TENM2: variants seen among roughly 807,000 people sequenced by gnomAD.
The protein encoded by TENM2 is teneurin transmembrane protein 2, also known as teneurin-2.
In TENM2, 52 loss-of-function variants were observed where a neutral mutation model predicts 245.2. That is an observed-to-expected ratio of 0.21 (90% confidence interval 0.17 to 0.27). The LOEUF (loss-of-function observed/expected upper bound fraction) is 0.27. TENM2 is among the 10% of genes least tolerant of loss of function. The pLI is 1.00. For missense variants in TENM2, 3,046 were observed against 3,666.8 expected, an observed-to-expected ratio of 0.83 and a Z score of 4.37; for synonymous variants, 1,363 against 1,438.9, an observed-to-expected ratio of 0.95 and a Z score of 1.19.
intron 19 of TENM2, among the ~76,000 whole-genome samples, chr5:168,205,733 T>A (rs1214724476): frequency 1.3e-5 from 2 of 152,160 alleles, no homozygotes; most frequent in Non-Finnish European, 2.9e-5. Context: ...CCTCAATGCA[T>A]CAGAGTCTCA....
the TENM2 span, among the ~76,000 whole-genome samples, chr5:167,231,674 T>C: frequency 6.6e-6 from 1 of 152,176 alleles, no homozygotes; most frequent in Admixed American, 6.5e-5. Context: ...GAGCAGAGCA[T>C]AAAAGTTCAA....
intron 2 of TENM2, among the ~76,000 whole-genome samples, chr5:167,625,225 G>T (rs1237294290): frequency 6.6e-6 from 1 of 152,160 alleles, no homozygotes; most frequent in Non-Finnish European, 1.5e-5. Flanking sequence ...AGACTAAGAT[G>T]ACTTTTTGCA....
chr5:167,928,497 A>G (rs1777933457), intron 3 of TENM2, among the ~76,000 whole-genome samples: 1 of 152,182 alleles, frequency 6.6e-6, no homozygotes, highest in African/African-American at 2.4e-5. Context: ...TCAAAATTGC[A>G]TCCAATGGGA....
At chr5:167,817,625 AT>A (rs1165839220) in intron 2 of TENM2, among the ~76,000 whole-genome samples, 19 of 152,208 alleles carry the variant, frequency 1.2e-4, no homozygotes, top group African/African-American at 4.6e-4. Flanking sequence ...TAAAATCAAA[AT>A]TTAAAGCAAT....
intron 5 of TENM2, among the ~76,000 whole-genome samples, chr5:167,996,900 G>A (rs949784243): frequency 4.0e-5 from 6 of 151,700 alleles, no homozygotes; most frequent in African/African-American, 4.8e-5. Context: ...CACCACACCC[G>A]GCTAATTTTT....
chr5:167,122,981 C>A, the TENM2 span, among the ~76,000 whole-genome samples: 1 of 152,066 alleles, frequency 6.6e-6, no homozygotes, highest in Non-Finnish European at 1.5e-5. Context: ...GAATTCACTT[C>A]TTCTTCAGCA....
the TENM2 span, among the ~76,000 whole-genome samples, chr5:167,060,337 T>A: frequency 1.6e-3 from 240 of 152,090 alleles, 1 homozygote; most frequent in Middle Eastern, 6.8e-3. Context: ...TATATTTTTT[T>A]AAAAATTTAG....
the TENM2 span, among the ~76,000 whole-genome samples, chr5:166,981,440 A>G: frequency 4.6e-4 from 70 of 152,330 alleles, 1 homozygote; most frequent in South Asian, 9.7e-3. Flanking sequence ...ATGATTTCAT[A>G]TAGTAAACTT....
chr5:167,230,007 C>G, the TENM2 span, among the ~76,000 whole-genome samples: 1 of 152,098 alleles, frequency 6.6e-6, no homozygotes, highest in Non-Finnish European at 1.5e-5. Flanking sequence ...GTGTAGCAGC[C>G]TCTGTTTGGT....
At chr5:167,317,422 T>C (rs1351102582) in intron 1 of TENM2, among the ~76,000 whole-genome samples, 4 of 152,134 alleles carry the variant, frequency 2.6e-5, no homozygotes, top group East Asian at 1.9e-4. Context: ...GAGGAGACCA[T>C]GAAAAGACCA....
chr5:167,028,953 C>T, the TENM2 span, among the ~76,000 whole-genome samples: 2 of 152,026 alleles, frequency 1.3e-5, no homozygotes, highest in Admixed American at 6.6e-5. Context: ...AAGGACCCTT[C>T]CAGGTCTAAT....
intron 2 of TENM2, among the ~76,000 whole-genome samples, chr5:167,582,993 T>G (rs190722057): frequency 3.7e-4 from 56 of 152,286 alleles, no homozygotes; most frequent in Non-Finnish European, 6.6e-4. Context: ...AAGCTAAAAT[T>G]GTTGACAGTC....
At chr5:167,369,220 C>G (rs147305407) in intron 1 of TENM2, among the ~76,000 whole-genome samples, 266 of 152,232 alleles carry the variant, frequency 1.7e-3, no homozygotes, top group African/African-American at 6.1e-3. Context: ...CTTGTCCTGT[C>G]CCATTTTTCA....
the TENM2 span, among the ~76,000 whole-genome samples, chr5:167,036,087 C>G: frequency 1.3e-5 from 2 of 152,144 alleles, no homozygotes; most frequent in African/African-American, 4.8e-5. Context: ...GTTAAACAAG[C>G]TGAAAATGAG....
the TENM2 span, among the ~76,000 whole-genome samples, chr5:167,152,145 T>C: frequency 6.6e-6 from 1 of 152,236 alleles, no homozygotes. Context: ...GCTGTTCTGA[T>C]TTCTCGTATG....
chr5:168,177,607 C>G (rs1192919712), intron 13 of TENM2, among the ~76,000 whole-genome samples: 2 of 152,284 alleles, frequency 1.3e-5, no homozygotes, highest in Admixed American at 1.3e-4. Context: ...GAGGCTGAGG[C>G]AGGAGGATTG....
chr5:167,663,208 G>T (rs1755357886), intron 2 of TENM2, among the ~76,000 whole-genome samples: 1 of 150,578 alleles, frequency 6.6e-6, no homozygotes, highest in African/African-American at 2.4e-5. Flanking sequence ...ATGAATGCCT[G>T]GGCTCCTCCT....
intron 2 of TENM2, among the ~76,000 whole-genome samples, chr5:167,745,701 C>T (rs1052984265): frequency 1.2e-4 from 19 of 152,304 alleles, no homozygotes; most frequent in African/African-American, 4.6e-4. Context: ...CTAGCCAATA[C>T]TGATCTACTT....
chr5:167,624,131 A>G (rs534881008), intron 2 of TENM2, among the ~76,000 whole-genome samples: 1 of 152,288 alleles, frequency 6.6e-6, no homozygotes, highest in Non-Finnish European at 1.5e-5. Context: ...TCATATATTT[A>G]TTGCAGTAAT....
Sources: gnomAD v4.1 joint callset for allele counts (sites outside exome capture counted in the v4.1 genomes callset) on GRCh38, gnomAD v4.1.1 for gene constraint, MANE v1.5 for transcripts, NCBI Gene and HGNC (gene_info 2026-07-23, HGNC 2026-07-21) for gene names.